Variants in ASB18 observed in about 807,000 individuals in gnomAD.
ASB18 encodes ankyrin repeat and SOCS box protein 18.
In ASB18, 33 loss-of-function variants were observed where a neutral mutation model predicts 33.4. That is an observed-to-expected ratio of 0.99 (90% CI 0.75 to 1.32). The LOEUF (loss-of-function observed/expected upper bound fraction) is 1.32, where lower values mean the gene tolerates loss of function less well. ASB18 is among the 40% of genes most tolerant of loss of function. The probability of loss-of-function intolerance (pLI) is 0.00; values close to 1 mark genes in which losing one functional copy is unlikely to be tolerated. For missense variants in ASB18, 694 were observed against 655.5 expected (o/e 1.06, Z -0.64); for synonymous variants, 295 against 307.6 (o/e 0.96, Z 0.43).
Position 236,237,670 on chromosome 2 carries a change from C to A in ASB18, c.596+19G>T. 1.4e-6 allele frequency: 2 copies of A among 1,406,028 alleles called. No individual in the cohort carries two copies. Among genetic ancestry groups the A allele is most frequent in the Non-Finnish European group, 9.2e-7 (1 of 1,087,320 alleles). The allele number at this position is 1,406,028 out of a possible 1,614,324, so 87.1% of individuals were successfully genotyped here. A position where few individuals can be genotyped will look rare whatever the true frequency, so the allele number is the denominator to read the frequency against. ...CTCGGGGCGGGGCGGACGCCGCGGG[C>A]CTGTCCCGAGGTCCTTACCCGAGCG... On this transcript the variant is annotated intron_variant, in intron 3 of 5. Transcript: ENST00000409749. The surrounding 1 kb of genome is among the most constrained non-coding windows in gnomAD (Gnocchi z 6.2).
rs975573722 is a variant in ASB18, at chr2:236,195,806, G to A, written c.1215+466C>T. Among the ~76,000 whole-genome samples the A allele has an allele frequency of 3.3e-5, 5 of 152,046 alleles. No individual in the cohort carries two copies. The highest frequency in any genetic ancestry group is 5.9e-5 in the Non-Finnish European group (4 of 67,998). ...GCTAGGATTACAGGCATGAGCCACC[G>A]CACCTGGCCTGTTCTCACTCTCTTT... On this transcript the variant is annotated intron_variant, in intron 5 of 5. Transcript: ENST00000409749. This position sits in a 1 kb window ranked among gnomAD's most constrained non-coding sequence, Gnocchi z 5.5.
rs2060605407 is a variant in ASB18, at chr2:236,238,215, G to A, written c.329-259C>T. Among the ~76,000 whole-genome samples the A allele has an allele frequency of 6.6e-6, 1 of 151,526 alleles. No homozygotes were observed. Among genetic ancestry groups the A allele is most frequent in the Non-Finnish European group, 1.5e-5 (1 of 68,006 alleles). On this transcript the variant is annotated intron_variant, in intron 2 of 5. Transcript: ENST00000409749. This position sits in a 1 kb window ranked among gnomAD's most constrained non-coding sequence, Gnocchi z 5.2. ...TAAAACCGAGCTAGAGAGATGGGGC[G>A]CCGGGTATTGAGAAGCAAGAGGATT...
In ASB18 at chr2:236,251,682, A is replaced by G. The variant is rs1004489582; in HGVS notation, c.206-10280T>C. ...TTAAATTCCAGAATTAGAACTTTAA[A>G]CTTCCAACGGAAAAACAGGAAAAAA... On this transcript the variant is annotated intron_variant, in intron 1 of 5. Coordinates refer to ENST00000409749, the MANE Select transcript of ASB18 (RefSeq NM_212556.4). The surrounding 1 kb of genome is among the most constrained non-coding windows in gnomAD (Gnocchi z 5.3). 2.6e-5 allele frequency among the ~76,000 whole-genome samples: 4 copies of G among 152,200 alleles called. No individual in the cohort carries two copies. Among genetic ancestry groups the G allele is most frequent in the African/African-American group, 9.6e-5 (4 of 41,466 alleles).
chr2:236,222,856 C>A lies in ASB18; in HGVS notation c.597-7990G>T, dbSNP rs2106272737. Among the ~76,000 whole-genome samples, 1 of 152,236 alleles carries A rather than the reference C, an allele frequency of 6.6e-6. No homozygotes were observed. Among genetic ancestry groups the A allele is most frequent in the East Asian group, 1.9e-4 (1 of 5,166 alleles). The stretch of plus-strand genomic sequence containing the variant: ...CCAACATGGTGAAACCCTATCTCTA[C>A]TAAAAATACAAAAATTAGATGGGTG... On this transcript the variant is annotated intron_variant, in intron 3 of 5. Transcript: ENST00000409749. This position sits in a 1 kb window ranked among gnomAD's most constrained non-coding sequence, Gnocchi z 5.5.
In ASB18 at chr2:236,208,281, C is replaced by A. The variant is rs1187444771; in HGVS notation, c.1101+6081G>T. On this transcript the variant is annotated intron_variant, in intron 4 of 5. Coordinates refer to ENST00000409749, the MANE Select transcript of ASB18 (RefSeq NM_212556.4). This position sits in a 1 kb window ranked among gnomAD's most constrained non-coding sequence, Gnocchi z 7.7. ...GCCCTGTCCCTCTCTGCGCCCCACA[C>A]ATGTTGATATTTCTGGCTCACACGA... 6.6e-6 allele frequency among the ~76,000 whole-genome samples: 1 copy of A among 152,164 alleles called. No individual in the cohort carries two copies.
rs2060532726 is a variant in ASB18 at position 236,225,482 on chromosome 2, TA to T, written c.597-10617del. 6.6e-6 allele frequency among the ~76,000 whole-genome samples: 1 copy of T among 152,208 alleles called. No individual in the cohort carries two copies. Among genetic ancestry groups the T allele is most frequent in the African/African-American group, 2.4e-5 (1 of 41,452 alleles). On this transcript the variant is annotated intron_variant, in intron 3 of 5. Transcript: ENST00000409749. This position sits in a 1 kb window ranked among gnomAD's most constrained non-coding sequence, Gnocchi z 5.1. ...AGTAAACTTGCATGCTTTTCATTAATAAATTCCGTGAGGAAAGCAAGTCATT... is the reference window on the plus strand; with the variant it reads ...AGTAAACTTGCATGCTTTTCATTAATAATTCCGTGAGGAAAGCAAGTCATT...
At chr2:236,261,681 G>A (rs1324258887) in intron 1 of ASB18, among the ~76,000 whole-genome samples, 1 of 152,214 alleles carries the variant, frequency 6.6e-6, no homozygotes, top group Non-Finnish European at 1.5e-5. Context: ...GTATGTGTCA[G>A]TCTGTTTTCT....
At chr2:236,236,409 A>G (rs2106277824) in intron 3 of ASB18, among the ~76,000 whole-genome samples, 1 of 152,302 alleles carries the variant, frequency 6.6e-6, no homozygotes, top group South Asian at 2.1e-4. Context: ...GGGCACCGTG[A>G]GGCCACAGGG....
At position 236,214,821 on chromosome 2, in the gene ASB18, C is replaced by G. The variant is rs540112321; in HGVS notation, c.642G>C (p.Val214=). ...LLEHGASVQR[V]GGTGRDTPLH... Reference sequence around the variant, plus strand: ...GCGGCGTGTCCCGGCCCGTGCCGCCCACGCGCTGCACCGAGGCCCCGTGCT... The same window carrying G: ...GCGGCGTGTCCCGGCCCGTGCCGCCGACGCGCTGCACCGAGGCCCCGTGCT... Residue 214 remains valine (V), a synonymous_variant, in exon 4 of 6, where the codon GTG becomes GTC. Coordinates refer to ENST00000409749, the MANE Select transcript of ASB18 (RefSeq NM_212556.4). The surrounding 1 kb of genome is among the most constrained non-coding windows in gnomAD (Gnocchi z 6.5). 40 of 1,213,304 alleles carry G rather than the reference C, an allele frequency of 3.3e-5. No homozygotes were observed. Among genetic ancestry groups the G allele is most frequent in the Middle Eastern group, 3.3e-4 (1 of 3,064 alleles). 75.2% of individuals were successfully genotyped at this position (1,213,304 alleles called of 1,614,324 possible). A position where few individuals can be genotyped will look rare whatever the true frequency, so the allele number is the denominator to read the frequency against.
At position 236,245,131 on chromosome 2, in the gene ASB18, C is replaced by T. The variant is rs1005468517; in HGVS notation, c.206-3729G>A. Among the ~76,000 whole-genome samples the T allele has an allele frequency of 8.5e-5, 13 of 152,100 alleles. No homozygotes were observed. The highest frequency in any genetic ancestry group is 2.0e-4 in the Admixed American group (3 of 15,278). ...TGGCCATGACCCAAATTGGTTGCCACGGGGGCCGTAGGTTTATTTTTTACC... is the reference window on the plus strand; with the variant it reads ...TGGCCATGACCCAAATTGGTTGCCATGGGGGCCGTAGGTTTATTTTTTACC... On this transcript the variant is annotated intron_variant, in intron 1 of 5. Coordinates refer to ENST00000409749, the MANE Select transcript of ASB18 (RefSeq NM_212556.4). The surrounding 1 kb of genome is among the most constrained non-coding windows in gnomAD (Gnocchi z 4.7).
At position 236,211,251 on chromosome 2, in the gene ASB18, C is replaced by G. The variant is rs1291212734; in HGVS notation, c.1101+3111G>C. On this transcript the variant is annotated intron_variant, in intron 4 of 5. Coordinates refer to ENST00000409749, the MANE Select transcript of ASB18 (RefSeq NM_212556.4). This position sits in a 1 kb window ranked among gnomAD's most constrained non-coding sequence, Gnocchi z 5.0. The stretch of plus-strand genomic sequence containing the variant: ...AAACCTGCCAGAATCCACAGCCTGC[C>G]CCCTATGCCTGCCCTCGGTGCCCTG... 1.3e-5 allele frequency among the ~76,000 whole-genome samples: 2 copies of G among 152,206 alleles called. No individual in the cohort carries two copies. Among genetic ancestry groups the G allele is most frequent in the Non-Finnish European group, 2.9e-5 (2 of 68,026 alleles).
chr2:236,212,371 G>T (rs192261224), intron 4 of ASB18, among the ~76,000 whole-genome samples: 1 of 152,296 alleles, frequency 6.6e-6, no homozygotes, highest in East Asian at 1.9e-4. Context: ...AGAGTCCAGG[G>T]GTCAGAGGTC....
chr2:236,242,010 T>A (rs568171754), intron 1 of ASB18, among the ~76,000 whole-genome samples: 1 of 152,158 alleles, frequency 6.6e-6, no homozygotes, highest in Admixed American at 6.5e-5. Context: ...ATATTTGGAA[T>A]CTGGAAATAA....
At position 236,235,128 on chromosome 2, in the gene ASB18, AG is replaced by A. The variant is rs1161619204; in HGVS notation, c.596+2560del. On this transcript the variant is annotated intron_variant, in intron 3 of 5. Transcript: ENST00000409749. This position sits in a 1 kb window ranked among gnomAD's most constrained non-coding sequence, Gnocchi z 6.2. The stretch of plus-strand genomic sequence containing the variant: ...CAACCCAATTTTAAAAATGGGCAAA[AG>A]ATTTGAACTGACACTTTACCAAAGA... Among the ~76,000 whole-genome samples, 1 of 152,220 alleles carries A rather than the reference AG, an allele frequency of 6.6e-6. No individual in the cohort carries two copies. The highest frequency in any genetic ancestry group is 1.5e-5 in the Non-Finnish European group (1 of 68,038).
intron 4 of ASB18, among the ~76,000 whole-genome samples, chr2:236,212,783 C>A (rs1009709086): frequency 6.6e-6 from 1 of 152,106 alleles, no homozygotes; most frequent in Non-Finnish European, 1.5e-5. Flanking sequence ...TGCCACCAGG[C>A]CCTGCTAATT....
At position 236,217,424 on chromosome 2, in the gene ASB18, A is replaced by AAAATAAAT. The variant is rs1553600514; in HGVS notation, c.597-2566_597-2559dup. Among the ~76,000 whole-genome samples the AAAATAAAT allele has an allele frequency of 0.023, 3,462 of 150,382 alleles. 151 individuals carry two copies. The highest frequency in any genetic ancestry group is 0.081 in the African/African-American group (3,280 of 40,492). On this transcript the variant is annotated intron_variant, in intron 3 of 5. Transcript: ENST00000409749. This position sits in a 1 kb window ranked among gnomAD's most constrained non-coding sequence, Gnocchi z 5.2. ...CGAGACTCTGTCTCAAAAAAAAAAA[A>AAAATAAAT]AAATAAATCTTGGCACCTTCAACTC...
chr2:236,207,819 CTT>C (rs36109128), intron 4 of ASB18, among the ~76,000 whole-genome samples: 25,234 of 134,960 alleles, frequency 0.19, 2,178 homozygotes, highest in South Asian at 0.25. Context: ...GCCTGGCTGA[CTT>C]TTTTTTTTTT....
intron 1 of ASB18, among the ~76,000 whole-genome samples, chr2:236,246,059 G>C (rs1173522889): frequency 6.6e-6 from 1 of 152,098 alleles, no homozygotes; most frequent in East Asian, 1.9e-4. Flanking sequence ...ACCAGGTTTT[G>C]TAAGAAGACC....
At chr2:236,233,453 G>A (rs1250573877) in intron 3 of ASB18, among the ~76,000 whole-genome samples, 2 of 152,000 alleles carry the variant, frequency 1.3e-5, no homozygotes, top group Non-Finnish European at 2.9e-5. Context: ...ATAAGGAAAA[G>A]TAATAAAAGG....
Sources: allele counts gnomAD v4.1 joint callset (sites outside exome capture counted in the v4.1 genomes callset), GRCh38; gene constraint gnomAD v4.1.1; non-coding constraint Gnocchi (gnomAD v3.1); transcripts MANE v1.5; gene names NCBI Gene and HGNC (gene_info 2026-07-23, HGNC 2026-07-21).